PRRC2A: variants seen among roughly 807,000 people sequenced by gnomAD.
The protein encoded by PRRC2A is proline rich coiled-coil 2A.
Under a neutral mutation model 224.6 loss-of-function variants are expected in PRRC2A, and 59 were observed. The observed-to-expected ratio is 0.26, with a 90% CI of 0.21 to 0.33. The LOEUF (loss-of-function observed/expected upper bound fraction) is 0.33. PRRC2A is among the 10% of genes least tolerant of loss of function. The pLI, the probability that PRRC2A is intolerant of heterozygous loss-of-function variation, is 1.00. For missense variants in PRRC2A, 3,095 were observed against 2,880.7 expected (o/e 1.07, Z -1.70); for synonymous variants, 1,194 against 1,109.5 (o/e 1.08, Z -1.51).
rs753716603 is a variant in PRRC2A, at chr6:31,635,245, C to T, written c.5274C>T (p.Pro1758=). The T allele has an allele frequency of 6.2e-7, 1 of 1,614,182 alleles. No individual in the cohort carries two copies. Among genetic ancestry groups the T allele is most frequent in the Non-Finnish European group, 8.5e-7 (1 of 1,180,022 alleles). Residue 1758 remains proline, a synonymous_variant, in exon 22 of 31, where the codon CCC becomes CCT. Coordinates refer to ENST00000376033, the MANE Select transcript of PRRC2A (RefSeq NM_004638.4). ...TTCGGCCATCCCATCGACCTGGTCC[C>T]CCAGTCCAGTTTGGCACTAGTGACA... is the stretch of plus-strand genomic sequence containing the variant. The part of the protein sequence containing the change: ...GPIRPSHRPG[P]PVQFGTSDKD...
chr6:31,637,394 C>A, intron 30 of PRRC2A, 52 bp from the exon 31 acceptor site: 1 of 1,602,562 alleles, frequency 6.2e-7, no homozygotes, highest in Non-Finnish European at 8.5e-7. Context: ...CCTTCCGTCT[C>A]ATCGCTGACC....
Position 31,637,753 on chromosome 6 carries a change from A to C in PRRC2A, c.*167A>C. On this transcript the variant is annotated 3_prime_UTR_variant, in exon 31 of 31. Coordinates refer to ENST00000376033, the MANE Select transcript of PRRC2A (RefSeq NM_004638.4). Reference sequence around the variant, plus strand: ...GCTGTTTGTTAAAAAAGAGTAATAAAAGGATTTAAAAAAAAAAACTTCTAC... The same window carrying C: ...GCTGTTTGTTAAAAAAGAGTAATAACAGGATTTAAAAAAAAAAACTTCTAC... The C allele has an allele frequency of 9.2e-6, 4 of 436,524 alleles. No homozygotes were observed. The highest frequency in any genetic ancestry group is 3.6e-5 in the East Asian group (1 of 27,966). 27.0% of individuals were successfully genotyped at this position (436,524 alleles called of 1,614,324 possible).
chr6:31,634,619 C>A, intron 20 of PRRC2A, 62 bp downstream of exon 20: 3 of 1,593,366 alleles, frequency 1.9e-6, no homozygotes, highest in Non-Finnish European at 2.6e-6. Context: ...TCATACCCCC[C>A]ACCTGCTCTG....
Position 31,636,792 on chromosome 6 carries a change from A to G in PRRC2A, c.5994A>G (p.Pro1998=), listed in dbSNP as rs780464569. ...TGGTGAACTTTGGCTCCCTGCCGCCAGCACCACCTCCTGCCCCACCTCCCC... is the reference window on the plus strand; with the variant it reads ...TGGTGAACTTTGGCTCCCTGCCGCCGGCACCACCTCCTGCCCCACCTCCCC... The part of the protein sequence containing the change: ...LPVVNFGSLP[P]APPPAPPPLS... The change falls in exon 28 of 31, where the codon CCA becomes CCG. Residue 1998 remains proline (P), a synonymous_variant. Transcript: ENST00000376033. The surrounding 1 kb of genome is among the most constrained non-coding windows in gnomAD (Gnocchi z 4.3). The G allele has an allele frequency of 6.2e-7, 1 of 1,608,608 alleles. No homozygotes were observed. The highest frequency in any genetic ancestry group is 8.5e-7 in the Non-Finnish European group (1 of 1,179,970).
rs1308711853 is a variant in PRRC2A at position 31,622,893 on chromosome 6, A to G, written c.104A>G (p.Lys35Arg). 6.2e-7 allele frequency: 1 copy of G among 1,613,660 alleles called. No homozygotes were observed. Among genetic ancestry groups the G allele is most frequent in the Non-Finnish European group, 8.5e-7 (1 of 1,179,550 alleles). ...TYKGKSLEIQ[K>R]PAVAPRHGLQ... ...AAGGGCAAGTCCTTAGAGATCCAGA[A>G]ACCCGCTGGTGAGAGTCCTGCAAAG... The change falls in exon 2 of 31, where the codon AAA (lysine) becomes AGA (arginine). Residue 35 changes from lysine (K) to arginine (R), a missense_variant. Coordinates refer to ENST00000376033, the MANE Select transcript of PRRC2A (RefSeq NM_004638.4).
chr6:31,625,962 ATCAG>A lies in PRRC2A; in HGVS notation c.840-55_840-52del. 1.2e-6 allele frequency: 2 copies of A among 1,600,586 alleles called. No homozygotes were observed. Among genetic ancestry groups the A allele is most frequent in the South Asian group, 2.2e-5 (2 of 90,070 alleles). On this transcript the variant is annotated intron_variant, in intron 8 of 30. Coordinates refer to ENST00000376033, the MANE Select transcript of PRRC2A (RefSeq NM_004638.4). This position sits in a 1 kb window ranked among gnomAD's most constrained non-coding sequence, Gnocchi z 4.1. ...TTCTAGCCAGGAGGCTCAGTCTAGG[ATCAG>A]TCTCGCATGTGGTTATACAACATGC... is the stretch of plus-strand genomic sequence containing the variant.
chr6:31,632,887 C>T lies in PRRC2A; in HGVS notation c.4214C>T (p.Ala1405Val), dbSNP rs144475037. 3 of 1,612,862 alleles carry T rather than the reference C, an allele frequency of 1.9e-6. No individual in the cohort carries two copies. The African/African-American group carries it at 4.0e-5, about 22-fold the overall frequency. The change falls in exon 16 of 31, where the codon GCT becomes GTT. Residue 1405 changes from alanine to valine, a missense_variant. This residue lies in a region of PRRC2A where 2,001 missense variants were observed against 1,764.9 expected (regional missense o/e 1.13). Transcript: ENST00000376033. ...QNRRPGPGGKAGSSGSSSGGG... is the reference protein window; with the variant it reads ...QNRRPGPGGKVGSSGSSSGGG... ...CGGCGCCCTGGCCCAGGGGGCAAGG[C>T]TGGCAGCAGTGGCAGCAGCAGTGGA...
chr6:31,630,688 G>A lies in PRRC2A; in HGVS notation c.2352G>A (p.Pro784=), dbSNP rs114308551. Residue 784 remains proline (P), a synonymous_variant, in exon 15 of 31, where the codon CCG becomes CCA. Coordinates refer to ENST00000376033, the MANE Select transcript of PRRC2A (RefSeq NM_004638.4). ...TGTTACGGGAACGGGGCACTCCACCGGTGGATCCAAAGTTGGCCTGGGTAG... is the reference window on the plus strand; with the variant it reads ...TGTTACGGGAACGGGGCACTCCACCAGTGGATCCAAAGTTGGCCTGGGTAG... ...PAMLRERGTP[P]VDPKLAWVGD... 70 of 1,614,108 alleles carry A rather than the reference G, an allele frequency of 4.3e-5. No individual in the cohort carries two copies. The East Asian group carries it at 9.1e-4, about 21-fold the overall frequency.
intron 5 of PRRC2A, 53 bp downstream of exon 5, chr6:31,624,575 A>T: frequency 6.5e-7 from 1 of 1,535,332 alleles, no homozygotes; most frequent in African/African-American, 1.4e-5. Context: ...GGGATGCATG[A>T]ACCCTGCACT....
chr6:31,631,734 A>G lies in PRRC2A; in HGVS notation c.3061A>G (p.Thr1021Ala). The G allele has an allele frequency of 6.5e-7, 1 of 1,530,110 alleles. No homozygotes were observed. Among genetic ancestry groups the G allele is most frequent in the East Asian group, 2.3e-5 (1 of 43,918 alleles). 94.8% of individuals were successfully genotyped at this position (1,530,110 alleles called of 1,614,324 possible). ...CTATTCGTATGAAAGAGTGGGTCCT[A>G]CCTCTTGCCGGGGTCGGGGCCGAGG... is the stretch of plus-strand genomic sequence containing the variant. The part of the protein sequence containing the change: ...RDYSYERVGP[T>A]SCRGRGRGEY... The change falls in exon 16 of 31, where the codon ACC becomes GCC. Residue 1021 changes from threonine (T) to alanine (A), a missense_variant. Physicochemically the swap from Thr to Ala is moderately conservative, Grantham distance 58. This residue lies in a region of PRRC2A where 2,001 missense variants were observed against 1,764.9 expected (regional missense o/e 1.13). Coordinates refer to ENST00000376033, the MANE Select transcript of PRRC2A (RefSeq NM_004638.4). The surrounding 1 kb of genome is among the most constrained non-coding windows in gnomAD (Gnocchi z 4.5).
rs1776014381 is a variant in PRRC2A, at chr6:31,627,216, G to A, written c.1290+18G>A. The A allele has an allele frequency of 2.7e-6, 4 of 1,507,080 alleles. No individual in the cohort carries two copies. The highest frequency in any genetic ancestry group is 1.4e-5 in the African/African-American group (1 of 72,208). 93.4% of individuals were successfully genotyped at this position (1,507,080 alleles called of 1,614,324 possible). A position where few individuals can be genotyped will look rare whatever the true frequency, so the allele number is the denominator to read the frequency against. ...ACTACCCAGTGAGTGTCTCCAATAAGGGATTGAGAGGGTCAGCTGTGGGAA... is the reference window on the plus strand; with the variant it reads ...ACTACCCAGTGAGTGTCTCCAATAAAGGATTGAGAGGGTCAGCTGTGGGAA... On this transcript the variant is annotated intron_variant, in intron 11 of 30. Transcript: ENST00000376033. The surrounding 1 kb of genome is among the most constrained non-coding windows in gnomAD (Gnocchi z 5.6).
Position 31,629,535 on chromosome 6 carries a change from C to T in PRRC2A, c.1957-13C>T, listed in dbSNP as rs773990751. 4.6e-6 allele frequency: 7 copies of T among 1,510,318 alleles called. No individual in the cohort carries two copies. The South Asian group carries it at 5.6e-5, about 12-fold the overall frequency. The allele number at this position is 1,510,318 out of a possible 1,614,324, so 93.6% of individuals were successfully genotyped here. A position where few individuals can be genotyped will look rare whatever the true frequency, so the allele number is the denominator to read the frequency against. ...TTTGAGCCTCTCTCATCTTGTCTTTCCTCCTTTCCTAGGAGCAGCTCCTGA... is the reference window on the plus strand; with the variant it reads ...TTTGAGCCTCTCTCATCTTGTCTTTTCTCCTTTCCTAGGAGCAGCTCCTGA... On this transcript the variant is annotated splice_polypyrimidine_tract_variant and intron_variant, in intron 13 of 30. Transcript: ENST00000376033.
chr6:31,622,968 G>A (rs890058238), intron 2 of PRRC2A, 67 bp downstream of exon 2: 2 of 1,303,912 alleles, frequency 1.5e-6, no homozygotes, highest in African/African-American at 1.5e-5. Flanking sequence ...ACGTTTTAGA[G>A]CTCTTTAAAG....
chr6:31,634,524 C>T lies in PRRC2A; in HGVS notation c.4902C>T (p.Pro1634=). The T allele has an allele frequency of 1.2e-6, 2 of 1,612,774 alleles. No homozygotes were observed. Among genetic ancestry groups the T allele is most frequent in the Non-Finnish European group, 1.7e-6 (2 of 1,179,916 alleles). The stretch of plus-strand genomic sequence containing the variant: ...GCTCCATGGAGCCTTGGATGGAGCC[C>T]CTGAGTCCTTTTGAGGATGTGGCTG... ...RPSSMEPWME[P]LSPFEDVAGT... The change falls in exon 20 of 31, where the codon CCC becomes CCT. Residue 1634 remains proline, a synonymous_variant. Coordinates refer to ENST00000376033, the MANE Select transcript of PRRC2A (RefSeq NM_004638.4).
In PRRC2A at chr6:31,635,377, C is replaced by A. The variant is rs373261869; in HGVS notation, c.5302-17C>A. 6.2e-6 allele frequency: 10 copies of A among 1,613,998 alleles called. No homozygotes were observed. The African/African-American group carries it at 1.3e-4, about 22-fold the overall frequency. On this transcript the variant is annotated splice_polypyrimidine_tract_variant and intron_variant, in intron 22 of 30. Coordinates refer to ENST00000376033, the MANE Select transcript of PRRC2A (RefSeq NM_004638.4). ...GTCTGTCACGGGACAATGTCTCCTG[C>A]CTTCTTGTGATCACAGGACTCAGAC...
At chr6:31,630,308 T>TC (rs1003777051) in intron 14 of PRRC2A, among the ~76,000 whole-genome samples, 1 of 142,876 alleles carries the variant, frequency 7.0e-6, no homozygotes, top group African/African-American at 2.6e-5. Flanking sequence ...CGAGCGAAAC[T>TC]CCGTCTCAAA....
intron 20 of PRRC2A, 36 bp from the exon 21 acceptor site, chr6:31,634,717 C>T (rs1170151580): frequency 1.3e-6 from 2 of 1,599,172 alleles, no homozygotes; most frequent in South Asian, 1.1e-5. Context: ...GTGCTTTCTA[C>T]CCTGACTTAA....
rs1561841676 is a variant in PRRC2A, at chr6:31,636,092, T to C, written c.5624+43T>C. On this transcript the variant is annotated intron_variant, in intron 25 of 30. Transcript: ENST00000376033. This position sits in a 1 kb window ranked among gnomAD's most constrained non-coding sequence, Gnocchi z 4.3. ...TGGATCACAGAAGTACTTGGAGATG[T>C]GTTTCGGGGAGAGGGAAGGGGAAGA... 1.9e-6 allele frequency: 3 copies of C among 1,579,760 alleles called. No individual in the cohort carries two copies. Among genetic ancestry groups the C allele is most frequent in the Non-Finnish European group, 2.6e-6 (3 of 1,149,312 alleles).
Position 31,633,230 on chromosome 6 carries a change from C to A in PRRC2A, c.4320-149C>A, listed in dbSNP as rs1324838738. The stretch of plus-strand genomic sequence containing the variant: ...GTTCTTTGCTTTCCAGTCTGTGCAT[C>A]TGTATGCATAGGAATCCTTAGAAGG... On this transcript the variant is annotated intron_variant, in intron 16 of 30. Transcript: ENST00000376033. 18 of 1,210,972 alleles carry A rather than the reference C, an allele frequency of 1.5e-5. No individual in the cohort carries two copies. The Admixed American group carries it at 3.1e-4, about 21-fold the overall frequency. 75.0% of individuals were successfully genotyped at this position (1,210,972 alleles called of 1,614,324 possible). A position where few individuals can be genotyped will look rare whatever the true frequency, so the allele number is the denominator to read the frequency against.
Sources: allele counts gnomAD v4.1 joint callset (sites outside exome capture counted in the v4.1 genomes callset), GRCh38; gene constraint gnomAD v4.1.1; regional missense constraint gnomAD v4.1.1; non-coding constraint Gnocchi (gnomAD v3.1); transcripts MANE v1.5; gene names NCBI Gene and HGNC (gene_info 2026-07-23, HGNC 2026-07-21).